The following CCDC88B variants were observed in gnomAD, a reference collection of about 807,000 sequenced individuals.
CCDC88B encodes coiled-coil and HOOK domain protein 88B.
A neutral mutation model predicts 183.7 loss-of-function variants in CCDC88B; 138 were observed. That is an observed-to-expected ratio of 0.75 (90% confidence interval 0.65 to 0.87). CCDC88B has a LOEUF of 0.87. Among genes scored for constraint, CCDC88B ranks in the 40% least tolerant of loss-of-function variants. CCDC88B has a pLI of 0.00. For synonymous variants in CCDC88B, 835 were observed against 867.5 expected (o/e 0.96, Z 0.66); for missense variants, 1,822 against 1,965.6 (o/e 0.93, Z 1.38).
chr11:64,352,511 C>T, intron 19 of CCDC88B, 125 bp downstream of exon 19: 2 of 1,386,904 alleles, frequency 1.4e-6, no homozygotes, highest in Non-Finnish European at 1.9e-6. Context: ...GCCCCGGCCA[C>T]TGCTGTGCCC....
In CCDC88B at chr11:64,342,108, AAGGCTC is replaced by A; in HGVS notation, c.793_798del (p.Ala265_Gln266del). Reference sequence around the variant, plus strand: ...TCTGGCCCTGCAGCTGGCCAACGCCAAGGCTCAGCTGCGGCGTCTGCGGCAGGAGCT... The same window carrying A: ...TCTGGCCCTGCAGCTGGCCAACGCCAAGCTGCGGCGTCTGCGGCAGGAGCT... On this transcript the variant is annotated inframe_deletion, in exon 8 of 27. Transcript: ENST00000356786. 3 of 1,610,704 alleles carry A rather than the reference AAGGCTC, an allele frequency of 1.9e-6. No homozygotes were observed. Among genetic ancestry groups the A allele is most frequent in the Non-Finnish European group, 1.7e-6 (2 of 1,179,150 alleles).
At chr11:64,351,283 G>A in intron 17 of CCDC88B, 28 bp downstream of exon 17, 1 of 1,502,170 alleles carries the variant, frequency 6.7e-7, no homozygotes, top group Non-Finnish European at 8.9e-7. Context: ...GTGGGCCCTG[G>A]GGAGGTGCCC....
chr11:64,342,165 G>A (rs749324900), intron 8 of CCDC88B, 26 bp downstream of exon 8: 1 of 1,603,196 alleles, frequency 6.2e-7, no homozygotes, highest in South Asian at 1.1e-5. Flanking sequence ...CTGGGAAGGG[G>A]ACTGAGTGGA....
Position 64,342,641 on chromosome 11 carries a change from G to A in CCDC88B, c.1023G>A (p.Glu341=), listed in dbSNP as rs2035924424. ...AGGAGGAGCTGAGGCGCTGCCGCGA[G>A]CGGCTGCAGGCGGCTGAGGCCTACA... ...RLQEELRRCR[E]RLQAAEAYKS... Residue 341 remains glutamate (E), a synonymous_variant, in exon 10 of 27, where the codon GAG becomes GAA. Transcript: ENST00000356786. 6.6e-7 allele frequency: 1 copy of A among 1,520,308 alleles called. No homozygotes were observed. Among genetic ancestry groups the A allele is most frequent in the Non-Finnish European group, 8.8e-7 (1 of 1,140,880 alleles). The allele number at this position is 1,520,308 out of a possible 1,614,324, so 94.2% of individuals were successfully genotyped here.
chr11:64,349,515 T>TGGGGGGG, intron 15 of CCDC88B, 36 bp from the exon 16 acceptor site: 1 of 224,674 alleles, frequency 4.5e-6, no homozygotes, highest in East Asian at 1.2e-4. Flanking sequence ...GGGGCGAGGG[T>TGGGGGGG]GGGGTGGGGC....
At chr11:64,347,038 C>T (rs2036140759) in intron 14 of CCDC88B, among the ~76,000 whole-genome samples, 1 of 152,118 alleles carries the variant, frequency 6.6e-6, no homozygotes, top group South Asian at 2.1e-4. Context: ...TTGTGATCTG[C>T]CCGCCTCGGC....
chr11:64,355,719 G>A (rs752238131), intron 26 of CCDC88B, 91 bp downstream of exon 26: 1 of 1,282,460 alleles, frequency 7.8e-7, no homozygotes, highest in East Asian at 2.5e-5. Context: ...ATTCGACAAT[G>A]ATCCTTTACC....
chr11:64,348,831 C>A (rs2036215519), intron 14 of CCDC88B: 2 of 601,060 alleles, frequency 3.3e-6, no homozygotes, highest in Non-Finnish European at 6.0e-6. Context: ...GGTCACCTAG[C>A]TGGCAGCATC....
chr11:64,341,236 C>A, intron 4 of CCDC88B, 34 bp from the exon 5 acceptor site: 1 of 1,614,132 alleles, frequency 6.2e-7, no homozygotes, highest in South Asian at 1.1e-5. Context: ...ACCTTCCCCG[C>A]CCCAGTTAAC....
chr11:64,344,130 T>C lies in CCDC88B; in HGVS notation c.1589T>C (p.Leu530Ser), dbSNP rs745879090. ...QKARDGGPQA[L>S]DLAPPALDSV... The stretch of plus-strand genomic sequence containing the variant: ...GCAAGGGATGGAGGCCCCCAGGCCT[T>C]GGACTTGGCTCCCCCGGCATTAGAC... Residue 530 changes from leucine to serine, a missense_variant, in exon 14 of 27, where the codon TTG (leucine) becomes TCG (serine). Physicochemically the swap from Leu to Ser is moderately radical, Grantham distance 145. Coordinates refer to ENST00000356786, the MANE Select transcript of CCDC88B (RefSeq NM_032251.6). The surrounding 1 kb of genome is among the most constrained non-coding windows in gnomAD (Gnocchi z 4.5). 1 of 1,612,966 alleles carries C rather than the reference T, an allele frequency of 6.2e-7. No homozygotes were observed. The highest frequency in any genetic ancestry group is 1.7e-5 in the Admixed American group (1 of 59,970).
intron 26 of CCDC88B, 23 bp downstream of exon 26, chr11:64,355,651 A>G: frequency 6.3e-7 from 1 of 1,585,610 alleles, no homozygotes; most frequent in Middle Eastern, 1.7e-4. Context: ...CTGTGGAAGG[A>G]GTAGTATTCT....
chr11:64,351,629 C>G lies in CCDC88B; in HGVS notation c.3099+13C>G, dbSNP rs1221385349. ...CAGCCGCCTGCAGGTGGGTGGTGGC[C>G]CGGGTGCCCATCCCTGCCCATGTAC... On this transcript the variant is annotated intron_variant, in intron 18 of 26. Coordinates refer to ENST00000356786, the MANE Select transcript of CCDC88B (RefSeq NM_032251.6). 2 of 1,553,530 alleles carry G rather than the reference C, an allele frequency of 1.3e-6. No homozygotes were observed. Among genetic ancestry groups the G allele is most frequent in the African/African-American group, 1.4e-5 (1 of 73,798 alleles).
intron 14 of CCDC88B, chr11:64,348,963 T>G (rs2135309950): frequency 1.4e-6 from 1 of 717,334 alleles, no homozygotes; most frequent in South Asian, 1.5e-5. Context: ...TGAGCCTCTC[T>G]AGCTGTCTCG....
chr11:64,342,080 C>A lies in CCDC88B; in HGVS notation c.762C>A (p.His254Gln). ...PSRAPAEGPS[H>Q]HLALQLANAK... ...GGGCTCCCGCCGAGGGCCCCTCGCA[C>A]CATCTGGCCCTGCAGCTGGCCAACG... Residue 254 changes from histidine to glutamine, a missense_variant, in exon 8 of 27, where the codon CAC (histidine) becomes CAA (glutamine). Transcript: ENST00000356786. 1.9e-6 allele frequency: 3 copies of A among 1,611,536 alleles called. No individual in the cohort carries two copies. The highest frequency in any genetic ancestry group is 1.7e-6 in the Non-Finnish European group (2 of 1,179,406).
chr11:64,352,932 C>A, intron 20 of CCDC88B, 45 bp downstream of exon 20: 1 of 1,524,324 alleles, frequency 6.6e-7, no homozygotes, highest in African/African-American at 1.4e-5. Context: ...GTGGCCCCAT[C>A]CTGAAAGTGG....
chr11:64,352,402 T>C lies in CCDC88B; in HGVS notation c.3356+16T>C, dbSNP rs1293449239. The C allele has an allele frequency of 7.3e-6, 11 of 1,514,612 alleles. No individual in the cohort carries two copies. In the South Asian group the frequency reaches 1.2e-4, roughly 17 times the overall value. The allele number at this position is 1,514,612 out of a possible 1,614,324, so 93.8% of individuals were successfully genotyped here. On this transcript the variant is annotated intron_variant, in intron 19 of 26. Transcript: ENST00000356786. Reference sequence around the variant, plus strand: ...TGCAGGGCCGGTGAGCATCACCAAATGCCCAGCTCCTCCCCTGGCACCCCC... The same window carrying C: ...TGCAGGGCCGGTGAGCATCACCAAACGCCCAGCTCCTCCCCTGGCACCCCC...
intron 9 of CCDC88B, 68 bp from the exon 10 acceptor site, chr11:64,342,454 G>T (rs2035908845): frequency 1.3e-6 from 2 of 1,541,256 alleles, no homozygotes; most frequent in Admixed American, 3.9e-5. Flanking sequence ...TCCCAACCCG[G>T]CTCCTTCCCG....
intron 14 of CCDC88B, 158 bp from the exon 15 acceptor site, chr11:64,349,173 G>C (rs2036228769): frequency 1.1e-6 from 1 of 873,012 alleles, no homozygotes; most frequent in Non-Finnish European, 1.8e-6. Context: ...CCCAGGCTTT[G>C]CTCCCATTTT....
rs1591280601 is a variant in CCDC88B at position 64,343,812 on chromosome 11, T to C, written c.1353T>C (p.Asp451=). ...PLAGAAPSLQ[D]EVREAEAGRL... ...CAGGAGCGGCCCCCTCGCTGCAAGA[T>C]GAGGTGAGGGAGGCAGAGGCTGGGC... is the stretch of plus-strand genomic sequence containing the variant. Residue 451 remains aspartate, a synonymous_variant, in exon 13 of 27, where the codon GAT becomes GAC. Transcript: ENST00000356786. 1.9e-6 allele frequency: 3 copies of C among 1,591,596 alleles called. No individual in the cohort carries two copies. Among genetic ancestry groups the C allele is most frequent in the African/African-American group, 2.7e-5 (2 of 74,498 alleles).
Sources: allele counts gnomAD v4.1 joint callset (sites outside exome capture counted in the v4.1 genomes callset), GRCh38; gene constraint gnomAD v4.1.1; non-coding constraint Gnocchi (gnomAD v3.1); transcripts MANE v1.5; gene names NCBI Gene and HGNC (gene_info 2026-07-23, HGNC 2026-07-21).